The following SPAG16 variants were observed in gnomAD, a reference collection of about 807,000 sequenced individuals.
SPAG16 encodes the protein sperm-associated antigen 16 protein.
In SPAG16, 86 loss-of-function variants were observed where a neutral mutation model predicts 80.4. The ratio of observed to expected loss-of-function variants is 1.07; its 90% confidence interval spans 0.90 to 1.28. The LOEUF (loss-of-function observed/expected upper bound fraction) is 1.28, where lower values mean the gene tolerates loss of function less well. Among genes scored for constraint, SPAG16 ranks in the 50% most tolerant of loss-of-function variants. SPAG16 has a pLI of 0.00. For synonymous variants in SPAG16, 294 were observed against 265.9 expected (o/e 1.11, Z -1.03); for missense variants, 870 against 765.3 (o/e 1.14, Z -1.61).
chr2:213,945,866 T>C, intron 12 of SPAG16, among the ~76,000 whole-genome samples: 1 of 152,214 alleles, frequency 6.6e-6, no homozygotes, highest in East Asian at 1.9e-4. Context: ...CCTAATATAT[T>C]TGTTACAGTA....
chr2:213,706,732 G>A (rs1158693292), intron 10 of SPAG16, among the ~76,000 whole-genome samples: 2 of 151,840 alleles, frequency 1.3e-5, no homozygotes, highest in East Asian at 3.9e-4. Context: ...AAAACTTTTT[G>A]TTTTTTTTCC....
intron 11 of SPAG16, among the ~76,000 whole-genome samples, chr2:213,884,648 G>A (rs2076484700): frequency 6.6e-6 from 1 of 152,124 alleles, no homozygotes; most frequent in African/African-American, 2.4e-5. Context: ...TATAGACTCT[G>A]TCTCATTATA....
At chr2:214,385,284 G>T (rs929485616) in intron 15 of SPAG16, among the ~76,000 whole-genome samples, 92 of 152,182 alleles carry the variant, frequency 6.0e-4, no homozygotes, top group African/African-American at 1.7e-3. Context: ...CCTACCTTTG[G>T]GATTAGTGTG....
At chr2:214,264,878 G>T (rs1468131798) in intron 15 of SPAG16, among the ~76,000 whole-genome samples, 1 of 152,036 alleles carries the variant, frequency 6.6e-6, no homozygotes, top group African/African-American at 2.4e-5. Context: ...GAATTATATA[G>T]TTTGTGGCTT....
At chr2:213,672,915 G>A (rs973594345) in intron 10 of SPAG16, among the ~76,000 whole-genome samples, 1 of 146,314 alleles carries the variant, frequency 6.8e-6, no homozygotes, top group African/African-American at 2.6e-5. Flanking sequence ...CTGGAGTGCA[G>A]TGGCACGATC....
At chr2:213,904,657 C>G (rs1475922379) in intron 11 of SPAG16, among the ~76,000 whole-genome samples, 3 of 145,466 alleles carry the variant, frequency 2.1e-5, no homozygotes, top group African/African-American at 5.1e-5. Context: ...AGGGATGAGA[C>G]TGGAATTTAG....
At chr2:213,375,648 A>G (rs938227646) in intron 9 of SPAG16, among the ~76,000 whole-genome samples, 4 of 152,092 alleles carry the variant, frequency 2.6e-5, no homozygotes, top group Non-Finnish European at 5.9e-5. Context: ...AAAATGAAGA[A>G]AATTACATAA....
At chr2:214,375,540 A>G (rs563127485) in intron 15 of SPAG16, among the ~76,000 whole-genome samples, 8 of 152,290 alleles carry the variant, frequency 5.3e-5, no homozygotes, top group African/African-American at 1.9e-4. Context: ...TACAACACAC[A>G]AATACACACA....
chr2:214,111,428 A>G (rs906799400), intron 14 of SPAG16, among the ~76,000 whole-genome samples: 4 of 152,170 alleles, frequency 2.6e-5, no homozygotes, highest in Non-Finnish European at 4.4e-5. Flanking sequence ...TTTGTCAAAG[A>G]TCAGATAGTT....
At chr2:213,366,550 C>T (rs1245182669) in intron 8 of SPAG16, among the ~76,000 whole-genome samples, 1 of 152,154 alleles carries the variant, frequency 6.6e-6, no homozygotes, top group Non-Finnish European at 1.5e-5. Context: ...TGCAGAGGAA[C>T]TGCCCTTTAT....
chr2:214,034,671 G>C (rs1366469888), intron 13 of SPAG16, among the ~76,000 whole-genome samples: 3 of 152,228 alleles, frequency 2.0e-5, no homozygotes, highest in Admixed American at 6.5e-5. Flanking sequence ...AGCCAGACCA[G>C]ACATCCTGAA....
intron 10 of SPAG16, among the ~76,000 whole-genome samples, chr2:213,839,107 C>G (rs1006491559): frequency 6.6e-6 from 1 of 152,200 alleles, no homozygotes; most frequent in African/African-American, 2.4e-5. Flanking sequence ...AGACTGTGAA[C>G]TACACATTTA....
At chr2:213,636,476 TC>T (rs1454223580) in intron 10 of SPAG16, among the ~76,000 whole-genome samples, 1 of 152,210 alleles carries the variant, frequency 6.6e-6, no homozygotes, top group Non-Finnish European at 1.5e-5. Context: ...GATTATTTTT[TC>T]TAGTTCTGTA....
chr2:213,790,968 A>G (rs2070662182), intron 10 of SPAG16, among the ~76,000 whole-genome samples: 2 of 152,216 alleles, frequency 1.3e-5, no homozygotes, highest in South Asian at 2.1e-4. Flanking sequence ...TAGAAATACT[A>G]TTTTAGATGA....
At chr2:214,067,090 G>C (rs1214152059) in intron 13 of SPAG16, among the ~76,000 whole-genome samples, 1 of 152,124 alleles carries the variant, frequency 6.6e-6, no homozygotes, top group Non-Finnish European at 1.5e-5. Flanking sequence ...ACGCTTTCCA[G>C]GTGGTGCTGT....
At chr2:214,060,882 A>C (rs925167380) in intron 13 of SPAG16, among the ~76,000 whole-genome samples, 1 of 152,230 alleles carries the variant, frequency 6.6e-6, no homozygotes, top group Non-Finnish European at 1.5e-5. Flanking sequence ...AATATGATGT[A>C]AATGAAGAAA....
chr2:213,548,246 C>T (rs917886954), intron 10 of SPAG16, among the ~76,000 whole-genome samples: 14 of 152,172 alleles, frequency 9.2e-5, no homozygotes, highest in African/African-American at 3.4e-4. Context: ...CGGAGTTTCG[C>T]TCTGTCGCCA....
At chr2:213,552,549 G>A (rs765911377) in intron 10 of SPAG16, among the ~76,000 whole-genome samples, 2 of 152,114 alleles carry the variant, frequency 1.3e-5, no homozygotes, top group African/African-American at 2.4e-5. Context: ...GATAAGCTGT[G>A]TTTTCCAGAG....
chr2:213,607,804 C>T (rs889526576), intron 10 of SPAG16, among the ~76,000 whole-genome samples: 1 of 152,150 alleles, frequency 6.6e-6, no homozygotes, highest in Admixed American at 6.5e-5. Context: ...GCAGGGAATA[C>T]TTGTTTTCTT....
Sources: allele counts gnomAD v4.1 joint callset (sites outside exome capture counted in the v4.1 genomes callset), GRCh38; gene constraint gnomAD v4.1.1; transcripts MANE v1.5; gene names NCBI Gene and HGNC (gene_info 2026-07-23, HGNC 2026-07-21).